The following KDM4C variants were observed in gnomAD, a reference collection of about 807,000 sequenced individuals.
KDM4C encodes lysine demethylase 4C, also known as lysine-specific demethylase 4C.
A neutral mutation model predicts 129.3 loss-of-function variants in KDM4C; 81 were observed. The observed-to-expected ratio is 0.63, with a 90% CI of 0.52 to 0.75. The LOEUF (loss-of-function observed/expected upper bound fraction) is 0.75. Among genes scored for constraint, KDM4C ranks in the 30% least tolerant of loss-of-function variants. The pLI, the probability that KDM4C is intolerant of heterozygous loss-of-function variation, is 0.00. For synonymous variants in KDM4C, 573 were observed against 456.1 expected, an observed-to-expected ratio of 1.26 and a Z score of -3.26; for missense variants, 1,457 against 1,304.0, an observed-to-expected ratio of 1.12 and a Z score of -1.81.
At position 7,089,610 on chromosome 9, in the gene KDM4C, TG is replaced by T. The variant is rs772987899; in HGVS notation, c.2425-14073del. On this transcript the variant is annotated intron_variant, in intron 17 of 21. Coordinates refer to ENST00000381309, the MANE Select transcript of KDM4C (RefSeq NM_015061.6). Reference sequence around the variant, plus strand: ...TGAGGTATAATATGAAAATCATCTCTGGTTAAAAGTGGATTTTGGCTTTTAG... The same window carrying T: ...TGAGGTATAATATGAAAATCATCTCTGTTAAAAGTGGATTTTGGCTTTTAG... 1.3e-3 allele frequency among the ~76,000 whole-genome samples: 193 copies of T among 152,330 alleles called. 1 individual carries two copies. Among genetic ancestry groups the T allele is most frequent in the Non-Finnish European group, 2.4e-3 (161 of 68,036 alleles).
chr9:7,130,827 C>T (rs1001536830), intron 19 of KDM4C, among the ~76,000 whole-genome samples: 1 of 152,064 alleles, frequency 6.6e-6, no homozygotes, highest in Non-Finnish European at 1.5e-5. Flanking sequence ...GGTGTGATCA[C>T]AGCTCACTGC....
chr9:7,018,207 T>C (rs946146258), intron 15 of KDM4C, among the ~76,000 whole-genome samples: 1 of 152,198 alleles, frequency 6.6e-6, no homozygotes, highest in Non-Finnish European at 1.5e-5. Flanking sequence ...GCTACTAATG[T>C]CCTGAGTAGT....
rs374866650 is a variant in KDM4C, at chr9:6,917,773, C to G, written c.921+24541C>G. Among the ~76,000 whole-genome samples, 54 of 152,254 alleles carry G rather than the reference C, an allele frequency of 3.5e-4. No individual in the cohort carries two copies. In the East Asian group the frequency reaches 6.6e-3, roughly 19 times the overall value. On this transcript the variant is annotated intron_variant, in intron 8 of 21. Coordinates refer to ENST00000381309, the MANE Select transcript of KDM4C (RefSeq NM_015061.6). ...TGCAGACTGCACACAGCACATTTTC[C>G]TACCTATCAGTCCCGGTGCCCATAC...
chr9:7,058,758 G>C (rs944565006), intron 17 of KDM4C, among the ~76,000 whole-genome samples: 2 of 152,170 alleles, frequency 1.3e-5, no homozygotes, highest in Non-Finnish European at 2.9e-5. Context: ...GAAATACTTA[G>C]AAAGCACTTC....
chr9:7,069,501 G>C (rs1360288366), intron 17 of KDM4C, among the ~76,000 whole-genome samples: 2 of 152,178 alleles, frequency 1.3e-5, no homozygotes, highest in African/African-American at 4.8e-5. Flanking sequence ...TACAGAGCAA[G>C]ACCCTGTTTC....
intron 5 of KDM4C, among the ~76,000 whole-genome samples, chr9:6,870,258 T>C (rs1280251029): frequency 6.6e-6 from 1 of 152,054 alleles, no homozygotes; most frequent in Non-Finnish European, 1.5e-5. Flanking sequence ...CTTTTGCTTG[T>C]TCATTGTAAG....
intron 8 of KDM4C, among the ~76,000 whole-genome samples, chr9:6,957,793 C>T (rs1829335683): frequency 6.6e-6 from 1 of 152,188 alleles, no homozygotes; most frequent in African/African-American, 2.4e-5. Context: ...GCTGGGTCTG[C>T]ATACTGGCCC....
intron 8 of KDM4C, among the ~76,000 whole-genome samples, chr9:6,971,909 T>G (rs1425776403): frequency 6.6e-6 from 1 of 152,214 alleles, no homozygotes; most frequent in African/African-American, 2.4e-5. Flanking sequence ...CTGGCATTAC[T>G]CTAGTGGGCT....
intron 15 of KDM4C, among the ~76,000 whole-genome samples, chr9:7,036,720 T>G (rs1277919187): frequency 6.6e-6 from 1 of 152,192 alleles, no homozygotes; most frequent in African/African-American, 2.4e-5. Context: ...CTCAATATTT[T>G]CAGTTGGTTA....
intron 12 of KDM4C, among the ~76,000 whole-genome samples, chr9:7,011,055 AAAAG>A (rs1297010712): frequency 4.6e-5 from 7 of 152,176 alleles, no homozygotes; most frequent in Non-Finnish European, 1.0e-4. Context: ...AAAAAAGAAA[AAAAG>A]AAAGAAAAAG....
At chr9:6,744,053 C>G (rs1817794428) in intron 1 of KDM4C, among the ~76,000 whole-genome samples, 1 of 135,462 alleles carries the variant, frequency 7.4e-6, no homozygotes, top group Non-Finnish European at 1.6e-5. Flanking sequence ...CGGCCCCTCT[C>G]CAGTTCTATG....
intron 17 of KDM4C, among the ~76,000 whole-genome samples, chr9:7,094,256 G>C: frequency 6.6e-6 from 1 of 152,236 alleles, no homozygotes; most frequent in East Asian, 1.9e-4. Flanking sequence ...TGGTGGCAGG[G>C]TTAGGATTCA....
intron 5 of KDM4C, among the ~76,000 whole-genome samples, chr9:6,861,636 A>G (rs1426914246): frequency 6.6e-6 from 1 of 152,222 alleles, no homozygotes; most frequent in Non-Finnish European, 1.5e-5. Context: ...GCCAATTGTC[A>G]TGAATCTATC....
At chr9:7,045,785 C>T (rs530673973) in intron 15 of KDM4C, among the ~76,000 whole-genome samples, 2 of 152,008 alleles carry the variant, frequency 1.3e-5, no homozygotes, top group Admixed American at 6.6e-5. Context: ...TTATTACTGC[C>T]TAACAAAAGT....
chr9:7,087,617 G>A (rs1370541482), intron 17 of KDM4C, among the ~76,000 whole-genome samples: 1 of 152,100 alleles, frequency 6.6e-6, no homozygotes, highest in Non-Finnish European at 1.5e-5. Context: ...AGAGTTTCAG[G>A]CATAAAATTA....
intron 8 of KDM4C, among the ~76,000 whole-genome samples, chr9:6,924,369 C>T (rs1175592958): frequency 6.6e-6 from 1 of 152,172 alleles, no homozygotes; most frequent in Non-Finnish European, 1.5e-5. Context: ...GCCGCCACCA[C>T]AGGCCCCCTT....
At chr9:7,035,311 G>A (rs4587383) in intron 15 of KDM4C, among the ~76,000 whole-genome samples, 7,224 of 77,620 alleles carry the variant, frequency 0.093, 454 homozygotes, top group South Asian at 0.18. Flanking sequence ...ACCATGCCTG[G>A]CCATTTGCCC....
chr9:6,997,050 C>T (rs1819889052), intron 12 of KDM4C, among the ~76,000 whole-genome samples: 2 of 152,200 alleles, frequency 1.3e-5, no homozygotes, highest in South Asian at 2.1e-4. Flanking sequence ...CAGTCGGCTC[C>T]AGCACTCTAC....
chr9:6,864,850 G>A (rs1415045176), intron 5 of KDM4C, among the ~76,000 whole-genome samples: 1 of 150,892 alleles, frequency 6.6e-6, no homozygotes, highest in African/African-American at 2.4e-5. Flanking sequence ...GTCTATGTAT[G>A]TGCCTGTCTT....
Sources: allele counts gnomAD v4.1 joint callset (sites outside exome capture counted in the v4.1 genomes callset), GRCh38; gene constraint gnomAD v4.1.1; transcripts MANE v1.5; gene names NCBI Gene and HGNC (gene_info 2026-07-23, HGNC 2026-07-21).